UBN2: variants seen among roughly 807,000 people sequenced by gnomAD.
UBN2 encodes ubinuclein-2.
In UBN2, 35 loss-of-function variants were observed where a neutral mutation model predicts 120.2. That is an observed-to-expected ratio of 0.29 (90% confidence interval 0.22 to 0.39). The LOEUF (loss-of-function observed/expected upper bound fraction) is 0.39, where lower values mean the gene tolerates loss of function less well. Among genes scored for constraint, UBN2 ranks in the 10% least tolerant of loss-of-function variants. The pLI, the probability that UBN2 is intolerant of heterozygous loss-of-function variation, is 1.00. For missense variants in UBN2, 1,693 were observed against 1,663.2 expected, an observed-to-expected ratio of 1.02 and a Z score of -0.31; for synonymous variants, 661 against 648.7, an observed-to-expected ratio of 1.02 and a Z score of -0.29.
In UBN2 at chr7:139,250,398, A is replaced by G. The variant is rs536152395; in HGVS notation, c.562-1558A>G. Among the ~76,000 whole-genome samples the G allele has an allele frequency of 5.9e-5, 9 of 152,062 alleles. 1 individual carries two copies. In the South Asian group the frequency reaches 1.9e-3, roughly 32 times the overall value. On this transcript the variant is annotated intron_variant, in intron 2 of 17. Transcript: ENST00000473989. ...CAGACGCATGCCACCACACCCAACTAATTTTTGTATTTTTAGTATAGATGG... is the reference window on the plus strand; with the variant it reads ...CAGACGCATGCCACCACACCCAACTGATTTTTGTATTTTTAGTATAGATGG...
At chr7:139,248,504 CTTACT>C (rs1796532453) in intron 2 of UBN2, among the ~76,000 whole-genome samples, 1 of 152,066 alleles carries the variant, frequency 6.6e-6, no homozygotes, top group Non-Finnish European at 1.5e-5. Flanking sequence ...AAATTGATAT[CTTACT>C]TTAATCTCAT....
At chr7:139,271,704 A>G (rs892951088) in intron 8 of UBN2, among the ~76,000 whole-genome samples, 1 of 152,252 alleles carries the variant, frequency 6.6e-6, no homozygotes, top group Non-Finnish European at 1.5e-5. Flanking sequence ...TTGTAAGATG[A>G]AAGTAATAAA....
At chr7:139,259,720 A>G (rs1362008411) in intron 5 of UBN2, among the ~76,000 whole-genome samples, 1 of 152,140 alleles carries the variant, frequency 6.6e-6, no homozygotes, top group Non-Finnish European at 1.5e-5. Flanking sequence ...CTATATGTAA[A>G]CAATTTATGG....
the UBN2 span, among the ~76,000 whole-genome samples, chr7:139,313,868 G>C: frequency 6.8e-6 from 1 of 146,264 alleles, no homozygotes; most frequent in South Asian, 2.1e-4. Flanking sequence ...TTTTTTTTGA[G>C]ACAGAGTTTT....
At chr7:139,280,727 C>T (rs56240408) in intron 13 of UBN2, among the ~76,000 whole-genome samples, 2,875 of 152,266 alleles carry the variant, frequency 0.019, 96 homozygotes, top group African/African-American at 0.065. Context: ...CTCACTGCAA[C>T]CTCTGCCTCA....
intron 12 of UBN2, chr7:139,276,432 T>G (rs1797444254): frequency 2.4e-6 from 1 of 416,046 alleles, no homozygotes; most frequent in African/African-American, 2.0e-5. Context: ...TACCTGCCAG[T>G]CTTTTTCTCC....
chr7:139,265,517 A>G (rs1327008889), intron 6 of UBN2, among the ~76,000 whole-genome samples: 2 of 152,198 alleles, frequency 1.3e-5, no homozygotes, highest in Admixed American at 1.3e-4. Flanking sequence ...TACAAAAGAT[A>G]TCCATATTCT....
intron 15 of UBN2, 67 bp downstream of exon 15, chr7:139,284,641 A>G: frequency 7.3e-7 from 1 of 1,373,026 alleles, no homozygotes. Context: ...TCTTGTGGGT[A>G]ACTTTAATAA....
chr7:139,325,802 T>A, the UBN2 span, among the ~76,000 whole-genome samples: 1 of 152,180 alleles, frequency 6.6e-6, no homozygotes, highest in Non-Finnish European at 1.5e-5. Flanking sequence ...TAAACTGTTG[T>A]CCCAGAGCTC....
intron 7 of UBN2, 109 bp downstream of exon 7, chr7:139,266,512 C>A: frequency 1.7e-6 from 1 of 587,978 alleles, no homozygotes; most frequent in Non-Finnish European, 3.0e-6. Flanking sequence ...AGTTCTTCCC[C>A]TTAAGCCTTA....
rs770163185 is a variant in UBN2 at position 139,231,856 on chromosome 7, G to C, written c.372G>C (p.Arg124Ser). ...CTGAGCAGCCGCCGCGGCCGCCGAG[G>C]GAGACGGTGCGCCTGGAGCTGGTGC... ...SRAEQPPRPP[R>S]ETVRLELVLK... The change falls in exon 1 of 18, where the codon AGG becomes AGC. Residue 124 changes from arginine to serine, a missense_variant. By Grantham distance (110) the Arg-to-Ser change is moderately radical. Around this residue, in one of 5 missense-constraint regions of UBN2, gnomAD observed 663 missense variants for 591.2 expected, o/e 1.12. Coordinates refer to ENST00000473989, the MANE Select transcript of UBN2 (RefSeq NM_173569.4). The C allele has an allele frequency of 6.4e-7, 1 of 1,556,116 alleles. No individual in the cohort carries two copies. Among genetic ancestry groups the C allele is most frequent in the Non-Finnish European group, 8.6e-7 (1 of 1,158,252 alleles).
At chr7:139,241,512 C>T (rs1796318611) in intron 2 of UBN2, among the ~76,000 whole-genome samples, 1 of 152,174 alleles carries the variant, frequency 6.6e-6, no homozygotes, top group Admixed American at 6.5e-5. Flanking sequence ...TTTGGGCTCT[C>T]AGAGCCCTAG....
chr7:139,297,141 C>T (rs1007970921), intron 17 of UBN2, among the ~76,000 whole-genome samples: 20 of 150,426 alleles, frequency 1.3e-4, no homozygotes, highest in Non-Finnish European at 1.9e-4. Flanking sequence ...TTGCAGTGAG[C>T]TGAGATCGCG....
chr7:139,319,327 C>T, the UBN2 span, among the ~76,000 whole-genome samples: 2 of 152,182 alleles, frequency 1.3e-5, no homozygotes, highest in South Asian at 2.1e-4. Flanking sequence ...CAGCAATCTA[C>T]CATCCTGGGC....
chr7:139,268,204 C>T (rs914518848), intron 7 of UBN2, among the ~76,000 whole-genome samples: 6 of 152,160 alleles, frequency 3.9e-5, no homozygotes, highest in Non-Finnish European at 7.4e-5. Flanking sequence ...TATCTTAAAA[C>T]GAATCTTCCC....
At chr7:139,236,976 T>C (rs1320098403) in intron 1 of UBN2, 29 bp from the exon 2 acceptor site, 9 of 1,458,406 alleles carry the variant, frequency 6.2e-6, no homozygotes, top group Non-Finnish European at 7.6e-6. Context: ...TGGATACTTC[T>C]CTTTCTTTTC....
chr7:139,264,297 T>G (rs1227015864), intron 6 of UBN2, among the ~76,000 whole-genome samples: 1 of 152,158 alleles, frequency 6.6e-6, no homozygotes, highest in Non-Finnish European at 1.5e-5. Flanking sequence ...GTTGACTATA[T>G]CTATGGTTAT....
At chr7:139,245,777 G>T (rs1796453790) in intron 2 of UBN2, among the ~76,000 whole-genome samples, 2 of 152,188 alleles carry the variant, frequency 1.3e-5, no homozygotes, top group South Asian at 4.1e-4. Context: ...AAAGCTGGGA[G>T]GATTAAGTGA....
chr7:139,309,871 T>C (rs1023286070), downstream of UBN2, among the ~76,000 whole-genome samples: 5 of 152,124 alleles, frequency 3.3e-5, no homozygotes, highest in East Asian at 1.9e-4. Context: ...TAAATACATA[T>C]GTGTGTACAT....
Sources: allele counts gnomAD v4.1 joint callset (sites outside exome capture counted in the v4.1 genomes callset), GRCh38; gene constraint gnomAD v4.1.1; regional missense constraint gnomAD v4.1.1; transcripts MANE v1.5; gene names NCBI Gene and HGNC (gene_info 2026-07-23, HGNC 2026-07-21).